Variants in RBFOX3 observed in about 807,000 individuals in gnomAD.
RBFOX3 encodes the protein RNA binding fox-1 homolog 3.
RBFOX3 carries 17 observed loss-of-function variants against 48.7 expected under a neutral mutation model. That is an observed-to-expected ratio of 0.35 (90% CI 0.24 to 0.52). RBFOX3 has a LOEUF of 0.52. Ranked by LOEUF, RBFOX3 falls within the 20% of genes least tolerant of loss-of-function variation. RBFOX3 has a pLI of 0.94. For missense variants in RBFOX3, 382 were observed against 497.5 expected, an observed-to-expected ratio of 0.77 and a Z score of 2.21; for synonymous variants, 212 against 209.5, an observed-to-expected ratio of 1.01 and a Z score of -0.10.
At chr17:79,376,748 G>A (rs921853254) in intron 2 of RBFOX3, among the ~76,000 whole-genome samples, 1 of 152,160 alleles carries the variant, frequency 6.6e-6, no homozygotes, top group Non-Finnish European at 1.5e-5. Flanking sequence ...TTCAGCAGGT[G>A]GGGAGGCTCG....
chr17:79,478,400 C>G (rs1034273242), intron 2 of RBFOX3, among the ~76,000 whole-genome samples: 1 of 152,082 alleles, frequency 6.6e-6, no homozygotes, highest in Non-Finnish European at 1.5e-5. Context: ...GCAGCTCCCG[C>G]TCCCATCTCA....
chr17:79,442,240 A>AGGGG (rs1568257960), intron 2 of RBFOX3, among the ~76,000 whole-genome samples: 288 of 5,722 alleles, frequency 0.05, 106 homozygotes, highest in South Asian at 0.11. Flanking sequence ...AGAGAGAGAG[A>AGGGG]GAGAGAGAGA....
Position 79,212,395 on chromosome 17 carries a change from T to TCCTGCAGCC in RBFOX3, c.-34+23362_-34+23370dup, listed in dbSNP as rs2058496058. On this transcript the variant is annotated intron_variant, in intron 4 of 14. Coordinates refer to ENST00000693108, the MANE Select transcript of RBFOX3 (RefSeq NM_001350451.2). This position sits in a 1 kb window ranked among gnomAD's most constrained non-coding sequence, Gnocchi z 4.7. The stretch of plus-strand genomic sequence containing the variant: ...CCTCTCTGGCTGCTCCTTCCTTCCC[T>TCCTGCAGCC]CCTGCAGCCGGGCTCCTGGCGCTGC... Among the ~76,000 whole-genome samples, 2 of 152,236 alleles carry TCCTGCAGCC rather than the reference T, an allele frequency of 1.3e-5. No individual in the cohort carries two copies. The highest frequency in any genetic ancestry group is 4.2e-4 in the South Asian group (2 of 4,816).
chr17:79,185,250 G>A (rs2053162305), intron 4 of RBFOX3, among the ~76,000 whole-genome samples: 1 of 152,214 alleles, frequency 6.6e-6, no homozygotes, highest in Non-Finnish European at 1.5e-5. Context: ...CTCTGGGGTG[G>A]TGCTGGCACA....
intron 4 of RBFOX3, among the ~76,000 whole-genome samples, chr17:79,182,567 C>T (rs909722139): frequency 2.3e-4 from 35 of 151,714 alleles, no homozygotes; most frequent in African/African-American, 8.5e-4. Flanking sequence ...GGGCAGGCGG[C>T]TGCTGATGCT....
intron 3 of RBFOX3, among the ~76,000 whole-genome samples, chr17:79,240,261 T>C (rs1380622720): frequency 6.6e-6 from 1 of 152,210 alleles, no homozygotes; most frequent in Non-Finnish European, 1.5e-5. Context: ...GTAAAACTCA[T>C]CGTTAGTGGA....
chr17:79,415,025 C>T (rs919312950), intron 2 of RBFOX3, among the ~76,000 whole-genome samples: 9 of 152,282 alleles, frequency 5.9e-5, no homozygotes, highest in East Asian at 1.9e-4. Flanking sequence ...CCCAGCTCAT[C>T]GCCACGGTCC....
chr17:79,508,039 GC>G (rs1319221116), intron 1 of RBFOX3, among the ~76,000 whole-genome samples: 1 of 152,228 alleles, frequency 6.6e-6, no homozygotes, highest in Non-Finnish European at 1.5e-5. Flanking sequence ...TCAGGGTCTG[GC>G]CCGTGGATTT....
intron 10 of RBFOX3, 33 bp from the exon 11 acceptor site, chr17:79,097,457 A>T (rs1228593269): frequency 6.6e-7 from 1 of 1,518,892 alleles, no homozygotes; most frequent in Non-Finnish European, 8.9e-7. Flanking sequence ...CACGTGTGAG[A>T]GGCACAAGGG....
chr17:79,151,322 GTGGTC>G, intron 4 of RBFOX3, among the ~76,000 whole-genome samples: 1 of 149,294 alleles, frequency 6.7e-6, no homozygotes, highest in African/African-American at 2.5e-5. Context: ...CACGGGACGC[GTGGTC>G]CCGACGGCTC....
chr17:79,651,303 C>T, the RBFOX3 span, among the ~76,000 whole-genome samples: 1 of 152,188 alleles, frequency 6.6e-6, no homozygotes, highest in Non-Finnish European at 1.5e-5. Context: ...CAGCTCGATG[C>T]TGCAGGTCTT....
intron 2 of RBFOX3, among the ~76,000 whole-genome samples, chr17:79,398,556 A>G (rs1336692390): frequency 6.6e-6 from 1 of 151,264 alleles, no homozygotes; most frequent in Non-Finnish European, 1.5e-5. Flanking sequence ...TGGTCATCGT[A>G]ACTGAGGGAG....
intron 2 of RBFOX3, among the ~76,000 whole-genome samples, chr17:79,396,307 C>T (rs534583817): frequency 8.5e-5 from 13 of 152,282 alleles, no homozygotes; most frequent in African/African-American, 2.4e-4. Flanking sequence ...CTTGAAGCTC[C>T]CTGTGTCTGT....
Position 79,103,608 on chromosome 17 carries a change from G to A in RBFOX3, c.415-354C>T, listed in dbSNP as rs2076845154. 6.6e-6 allele frequency among the ~76,000 whole-genome samples: 1 copy of A among 152,172 alleles called. No homozygotes were observed. Among genetic ancestry groups the A allele is most frequent in the Non-Finnish European group, 1.5e-5 (1 of 68,030 alleles). On this transcript the variant is annotated intron_variant, in intron 7 of 14. Coordinates refer to ENST00000693108, the MANE Select transcript of RBFOX3 (RefSeq NM_001350451.2). The surrounding 1 kb of genome is among the most constrained non-coding windows in gnomAD (Gnocchi z 6.1). ...CCCCTGAACCCCACCTTGGGGTAGGGGGCCCAGGCTGGGCTTCAGGACCTG... is the reference window on the plus strand; with the variant it reads ...CCCCTGAACCCCACCTTGGGGTAGGAGGCCCAGGCTGGGCTTCAGGACCTG...
chr17:79,255,222 CGTGT>C (rs142604866), intron 3 of RBFOX3, among the ~76,000 whole-genome samples: 4,025 of 147,420 alleles, frequency 0.027, 180 homozygotes, highest in African/African-American at 0.094. Flanking sequence ...CACATGTGTG[CGTGT>C]GTGTGTGTGT....
chr17:79,258,109 G>C (rs2065174676), intron 3 of RBFOX3, among the ~76,000 whole-genome samples: 1 of 152,104 alleles, frequency 6.6e-6, no homozygotes. Flanking sequence ...TTCAGGAAGA[G>C]CCTGTTTTAG....
At chr17:79,351,777 T>C (rs568934071) in intron 2 of RBFOX3, among the ~76,000 whole-genome samples, 4 of 152,340 alleles carry the variant, frequency 2.6e-5, no homozygotes, top group African/African-American at 9.6e-5. Context: ...CTCCCATCTG[T>C]TGGTTGCTTT....
intron 3 of RBFOX3, among the ~76,000 whole-genome samples, chr17:79,284,542 G>GATTTTTTT (rs1567975566): frequency 2.6e-5 from 1 of 39,026 alleles, no homozygotes. Context: ...GAAGAGACTC[G>GATTTTTTT]CTTTTTTTTT....
rs374181095 is a variant in RBFOX3, at chr17:79,477,126, G to C, written c.-175+5328C>G. Among the ~76,000 whole-genome samples the C allele has an allele frequency of 6.6e-6, 1 of 151,410 alleles. No homozygotes were observed. ...TGGGCGCCTGTAATCCCAGTTACTCGGGAAGCTGAGGCAGGAGAATCTCTT... is the reference window on the plus strand; with the variant it reads ...TGGGCGCCTGTAATCCCAGTTACTCCGGAAGCTGAGGCAGGAGAATCTCTT... On this transcript the variant is annotated intron_variant, in intron 2 of 14. Transcript: ENST00000693108. The surrounding 1 kb of genome is among the most constrained non-coding windows in gnomAD (Gnocchi z 4.8).
Sources: allele counts gnomAD v4.1 joint callset (sites outside exome capture counted in the v4.1 genomes callset), GRCh38; gene constraint gnomAD v4.1.1; non-coding constraint Gnocchi (gnomAD v3.1); transcripts MANE v1.5; gene names NCBI Gene and HGNC (gene_info 2026-07-23, HGNC 2026-07-21).